The following RBFOX1 variants were observed in gnomAD, a reference collection of about 807,000 sequenced individuals.
RBFOX1 encodes RNA binding fox-1 homolog 1.
Under a neutral mutation model 57.7 loss-of-function variants are expected in RBFOX1, and 8 were observed. That is an observed-to-expected ratio of 0.14 (90% CI 0.08 to 0.25). The LOEUF is 0.25. Ranked by LOEUF, RBFOX1 falls within the 10% of genes least tolerant of loss-of-function variation. RBFOX1 has a pLI of 1.00. For synonymous variants in RBFOX1, 326 were observed against 222.4 expected, an observed-to-expected ratio of 1.47 and a Z score of -4.15; for missense variants, 611 against 548.5, an observed-to-expected ratio of 1.11 and a Z score of -1.14.
At chr16:5,608,377 G>T (rs8044315) in intron 3 of RBFOX1, among the ~76,000 whole-genome samples, 42,598 of 151,800 alleles carry the variant, frequency 0.28, 6,322 homozygotes, top group African/African-American at 0.37. Flanking sequence ...GAGGTGTGAG[G>T]GTCCACACGT....
chr16:6,731,500 C>T (rs943946623), intron 3 of RBFOX1, among the ~76,000 whole-genome samples: 1 of 152,126 alleles, frequency 6.6e-6, no homozygotes, highest in Non-Finnish European at 1.5e-5. Flanking sequence ...GTATCTGTGT[C>T]TCAGTTCTTG....
intron 2 of RBFOX1, among the ~76,000 whole-genome samples, chr16:6,596,077 C>A (rs1017815775): frequency 6.6e-6 from 1 of 151,682 alleles, no homozygotes; most frequent in African/African-American, 2.4e-5. Flanking sequence ...TGTGGATTTC[C>A]TTTTTACTTC....
rs182144863 is a variant in RBFOX1, at chr16:6,637,527, C to G, written c.-63-17076C>G. Among the ~76,000 whole-genome samples, 916 of 101,292 alleles carry G rather than the reference C, an allele frequency of 9.0e-3. 6 individuals are homozygous for G. Among genetic ancestry groups the G allele is most frequent in the South Asian group, 0.018 (45 of 2,552 alleles). The allele number at this position is 101,292 out of a possible 152,430, so 66.5% of individuals were successfully genotyped here. A position where few individuals can be genotyped will look rare whatever the true frequency, so the allele number is the denominator to read the frequency against. On this transcript the variant is annotated intron_variant, in intron 2 of 15. Transcript: ENST00000550418. Reference sequence around the variant, plus strand: ...TATTCTATATAGTATATATAATATTCTGTATAGTATATACAATCTGCATAG... The same window carrying G: ...TATTCTATATAGTATATATAATATTGTGTATAGTATATACAATCTGCATAG...
chr16:7,088,514 C>G (rs564040109), intron 4 of RBFOX1, among the ~76,000 whole-genome samples: 1 of 147,638 alleles, frequency 6.8e-6, no homozygotes, highest in East Asian at 2.0e-4. Context: ...TTCTGGCTTT[C>G]TGATAAATAC....
Position 5,556,965 on chromosome 16 carries a change from T to C in RBFOX1, c.259-41937T>C, listed in dbSNP as rs920966899. 3.3e-5 allele frequency among the ~76,000 whole-genome samples: 5 copies of C among 152,264 alleles called. No homozygotes were observed. The East Asian group carries it at 7.7e-4, about 24-fold the overall frequency. ...ATTTCCTCATGTTAATTTGAACTTT[T>C]AAAATTCTCTGGGACTGAACTTGGT... On this transcript the variant is annotated intron_variant, in intron 2 of 2. Coordinates refer to the RBFOX1 transcript ENST00000585867.
chr16:6,093,074 A>T (rs912358932), intron 1 of RBFOX1: 3 of 152,162 alleles, frequency 2.0e-5, no homozygotes, highest in Non-Finnish European at 4.4e-5. Context: ...ATAAAAGTTT[A>T]AAAATATTAC....
At chr16:6,649,326 C>T (rs2098557823) in intron 2 of RBFOX1, among the ~76,000 whole-genome samples, 1 of 152,136 alleles carries the variant, frequency 6.6e-6, no homozygotes, top group Admixed American at 6.5e-5. Context: ...ACCACATTTG[C>T]TTTATGTGGT....
At chr16:7,450,450 G>A (rs1169682429) in intron 4 of RBFOX1, among the ~76,000 whole-genome samples, 1 of 151,308 alleles carries the variant, frequency 6.6e-6, no homozygotes, top group East Asian at 2.0e-4. Context: ...AAAAAGGAGG[G>A]ACTGTGGATG....
At chr16:7,139,892 T>C (rs566313344) in intron 4 of RBFOX1, among the ~76,000 whole-genome samples, 1 of 152,116 alleles carries the variant, frequency 6.6e-6, no homozygotes, top group South Asian at 2.1e-4. Context: ...GGTGAGCTTG[T>C]AAAATGTTGG....
intron 9 of RBFOX1, among the ~76,000 whole-genome samples, chr16:7,606,552 G>A (rs556899422): frequency 6.6e-6 from 1 of 152,286 alleles, no homozygotes; most frequent in East Asian, 1.9e-4. Context: ...TTTCCAATTT[G>A]AGAATATTCT....
chr16:6,927,966 G>A (rs1056582963), intron 3 of RBFOX1, among the ~76,000 whole-genome samples: 8 of 152,264 alleles, frequency 5.3e-5, no homozygotes, highest in East Asian at 3.9e-4. Context: ...TTGCATCTCC[G>A]TAAAGTTTCC....
intron 2 of RBFOX1, among the ~76,000 whole-genome samples, chr16:6,390,085 T>A (rs1033878742): frequency 4.6e-5 from 7 of 152,338 alleles, no homozygotes; most frequent in African/African-American, 1.7e-4. Flanking sequence ...AAGTCCCAGC[T>A]GAAAGCCGTG....
intron 4 of RBFOX1, among the ~76,000 whole-genome samples, chr16:7,342,163 T>G (rs1044627013): frequency 2.0e-5 from 3 of 152,192 alleles, no homozygotes; most frequent in African/African-American, 7.2e-5. Flanking sequence ...ACTCTCTCTG[T>G]GTTACTCTTG....
intron 4 of RBFOX1, among the ~76,000 whole-genome samples, chr16:7,279,927 G>C (rs1204775892): frequency 6.6e-6 from 1 of 152,170 alleles, no homozygotes; most frequent in Non-Finnish European, 1.5e-5. Context: ...TATGACCTTT[G>C]AGAAACCAGT....
chr16:7,394,082 CA>C (rs1357257103), intron 4 of RBFOX1, among the ~76,000 whole-genome samples: 2 of 151,134 alleles, frequency 1.3e-5, no homozygotes, highest in East Asian at 3.9e-4. Flanking sequence ...CGAAAAATAC[CA>C]AAATTAGCCG....
chr16:5,901,580 C>G (rs865831643), intron 4 of RBFOX1, among the ~76,000 whole-genome samples: 1 of 152,138 alleles, frequency 6.6e-6, no homozygotes, highest in African/African-American at 2.4e-5. Context: ...AATTCAGCCC[C>G]TCAGCCATAA....
chr16:6,081,768 A>G (rs1373593040), intron 1 of RBFOX1, among the ~76,000 whole-genome samples: 1 of 152,200 alleles, frequency 6.6e-6, no homozygotes, highest in African/African-American at 2.4e-5. Flanking sequence ...ATACCCAAAG[A>G]ACAAAGTGAA....
chr16:7,646,406 A>G (rs1207536655), intron 11 of RBFOX1, among the ~76,000 whole-genome samples: 1 of 152,214 alleles, frequency 6.6e-6, no homozygotes, highest in Non-Finnish European at 1.5e-5. Flanking sequence ...GCACCCCCAG[A>G]ATTGTGTAAG....
intron 2 of RBFOX1, among the ~76,000 whole-genome samples, chr16:5,548,168 A>ATATAT (rs1256241961): frequency 1.7e-5 from 1 of 57,188 alleles, no homozygotes; most frequent in Non-Finnish European, 4.1e-5. Context: ...TAAAAAAAAA[A>ATATAT]AAAAAAATAT....
Sources: gnomAD v4.1 joint callset for allele counts (sites outside exome capture counted in the v4.1 genomes callset) on GRCh38, gnomAD v4.1.1 for gene constraint, MANE v1.5 for transcripts, NCBI Gene and HGNC (gene_info 2026-07-23, HGNC 2026-07-21) for gene names.